The following TMEM178A variants were observed in gnomAD, a reference collection of about 807,000 sequenced individuals.
TMEM178A encodes the protein transmembrane protein 178A.
TMEM178A carries 12 observed loss-of-function variants against 29.1 expected under a neutral mutation model. The ratio of observed to expected loss-of-function variants is 0.41; its 90% CI spans 0.26 to 0.67. The LOEUF (loss-of-function observed/expected upper bound fraction) is 0.67. TMEM178A is among the 30% of genes least tolerant of loss of function. TMEM178A has a pLI of 0.29. For synonymous variants in TMEM178A, 210 were observed against 187.2 expected, an observed-to-expected ratio of 1.12 and a Z score of -0.99; for missense variants, 366 against 419.1, an observed-to-expected ratio of 0.87 and a Z score of 1.11.
chr2:39,693,874 C>T (rs375024975), intron 1 of TMEM178A, among the ~76,000 whole-genome samples: 3 of 151,594 alleles, frequency 2.0e-5, no homozygotes, highest in Admixed American at 1.3e-4. Flanking sequence ...ATTCAGCAAG[C>T]CAGTGGTCAG....
chr2:39,690,768 T>A lies in TMEM178A; in HGVS notation c.401-13313T>A, dbSNP rs1057111100. On this transcript the variant is annotated intron_variant, in intron 1 of 3. Coordinates refer to ENST00000281961, the MANE Select transcript of TMEM178A (RefSeq NM_152390.3). ...AAGAGGTGAATATCTATGAACTGCC[T>A]GATAGAGAATTCAAAATAGTTGTCT... Among the ~76,000 whole-genome samples, 33 of 152,190 alleles carry A rather than the reference T, an allele frequency of 2.2e-4. 1 individual carries two copies. The highest frequency in any genetic ancestry group is 7.2e-4 in the African/African-American group (30 of 41,438).
intron 3 of TMEM178A, among the ~76,000 whole-genome samples, chr2:39,708,134 G>C (rs1035799650): frequency 1.3e-5 from 2 of 152,210 alleles, no homozygotes; most frequent in Non-Finnish European, 2.9e-5. Context: ...CAGGGACTCA[G>C]GGAAGATCTT....
chr2:39,696,537 C>T (rs559043367), intron 1 of TMEM178A, among the ~76,000 whole-genome samples: 4 of 152,242 alleles, frequency 2.6e-5, no homozygotes, highest in African/African-American at 4.8e-5. Flanking sequence ...CTTTTACAGA[C>T]GAGGGAACCA....
At chr2:39,679,948 G>A (rs916816080) in intron 1 of TMEM178A, among the ~76,000 whole-genome samples, 4 of 152,074 alleles carry the variant, frequency 2.6e-5, no homozygotes, top group African/African-American at 4.8e-5. Flanking sequence ...GGAGAATCAC[G>A]TGGGGTGTGA....
Position 39,666,055 on chromosome 2 carries a change from C to A in TMEM178A, c.81C>A (p.Phe27Leu), listed in dbSNP as rs1329838620. The change falls in exon 1 of 4, where the codon TTC (phenylalanine) becomes TTA (leucine). Residue 27 changes from phenylalanine (F) to leucine (L), a missense_variant. Phe to Leu is a conservative substitution (Grantham distance 22). Around this residue, in one of 2 missense-constraint regions of TMEM178A, gnomAD observed 247 missense variants for 246.8 expected, o/e 1.00. Transcript: ENST00000281961. Reference sequence around the variant, plus strand: ...TGGGGCTGCTCGTCACGGCCATCTTCACCGACCACTGGTACGAGACCGACC... The same window carrying A: ...TGGGGCTGCTCGTCACGGCCATCTTAACCGACCACTGGTACGAGACCGACC... ...CSLGLLVTAI[F>L]TDHWYETDPR... 1 of 1,564,766 alleles carries A rather than the reference C, an allele frequency of 6.4e-7. No homozygotes were observed. Among genetic ancestry groups the A allele is most frequent in the East Asian group, 2.6e-5 (1 of 38,448 alleles).
intron 1 of TMEM178A, among the ~76,000 whole-genome samples, chr2:39,700,757 GTTT>G (rs765163598): frequency 1.7e-4 from 25 of 149,986 alleles, no homozygotes; most frequent in Non-Finnish European, 2.7e-4. Flanking sequence ...CTTCATTAAT[GTTT>G]TCTTTTGTGT....
chr2:39,702,101 G>A (rs992436508), intron 1 of TMEM178A, among the ~76,000 whole-genome samples: 13 of 151,174 alleles, frequency 8.6e-5, no homozygotes, highest in South Asian at 8.3e-4. Flanking sequence ...TGAATGTCTC[G>A]TACTTTTTTG....
intron 1 of TMEM178A, among the ~76,000 whole-genome samples, chr2:39,677,953 G>T (rs1186403291): frequency 1.3e-5 from 2 of 151,714 alleles, no homozygotes; most frequent in Non-Finnish European, 1.5e-5. Flanking sequence ...CAACTTGTAG[G>T]TTCGACAAGA....
chr2:39,673,729 C>T (rs903826124), intron 1 of TMEM178A, among the ~76,000 whole-genome samples: 4 of 152,196 alleles, frequency 2.6e-5, no homozygotes, highest in South Asian at 2.1e-4. Flanking sequence ...AGGTCTGTTA[C>T]AGCAGAACTA....
chr2:39,696,439 C>G (rs1001071147), intron 1 of TMEM178A, among the ~76,000 whole-genome samples: 4 of 152,184 alleles, frequency 2.6e-5, no homozygotes, highest in Admixed American at 1.3e-4. Flanking sequence ...GGAGTACTTA[C>G]AGTGGGCCAC....
At chr2:39,709,391 C>T (rs1310537212) in intron 3 of TMEM178A, among the ~76,000 whole-genome samples, 1 of 152,192 alleles carries the variant, frequency 6.6e-6, no homozygotes. Flanking sequence ...AGCAGAAAAC[C>T]AATTTAGGTT....
intron 1 of TMEM178A, chr2:39,697,821 A>G (rs1315402608): frequency 2.6e-5 from 4 of 152,292 alleles, no homozygotes; most frequent in African/African-American, 9.6e-5. Flanking sequence ...CATTACAAGC[A>G]CGGAACAGAG....
chr2:39,730,734 T>C, the TMEM178A span, among the ~76,000 whole-genome samples: 1 of 152,236 alleles, frequency 6.6e-6, no homozygotes, highest in Non-Finnish European at 1.5e-5. Flanking sequence ...GGTTTCCATC[T>C]GGAACAAGAG....
intron 1 of TMEM178A, among the ~76,000 whole-genome samples, chr2:39,674,654 A>T (rs1670540183): frequency 6.6e-6 from 1 of 152,152 alleles, no homozygotes; most frequent in East Asian, 1.9e-4. Flanking sequence ...TACTCCAATA[A>T]CTTATGGAAA....
intron 3 of TMEM178A, among the ~76,000 whole-genome samples, chr2:39,712,607 C>T (rs1270392056): frequency 6.6e-6 from 1 of 152,092 alleles, no homozygotes; most frequent in East Asian, 1.9e-4. Flanking sequence ...GTAATTTATT[C>T]ACTTTTTTGA....
chr2:39,684,820 C>T (rs943594779), intron 1 of TMEM178A, among the ~76,000 whole-genome samples: 1 of 152,130 alleles, frequency 6.6e-6, no homozygotes, highest in African/African-American at 2.4e-5. Context: ...CTATAAACAA[C>T]CCTGTCCCCT....
downstream of TMEM178A, among the ~76,000 whole-genome samples, chr2:39,718,766 C>A (rs920324090): frequency 6.6e-6 from 1 of 151,960 alleles, no homozygotes; most frequent in African/African-American, 2.4e-5. Flanking sequence ...TATCTTTCAG[C>A]GGAGGGTGGG....
the TMEM178A span, among the ~76,000 whole-genome samples, chr2:39,724,910 G>T: frequency 2.0e-5 from 3 of 152,202 alleles, no homozygotes; most frequent in Admixed American, 6.5e-5. Context: ...CTGTGGTGAC[G>T]ATGGTAAATC....
At position 39,717,296 on chromosome 2, in the gene TMEM178A, G is replaced by C; in HGVS notation, c.*45G>C. 6.3e-7 allele frequency: 1 copy of C among 1,591,580 alleles called. No individual in the cohort carries two copies. The highest frequency in any genetic ancestry group is 8.6e-7 in the Non-Finnish European group (1 of 1,167,966). ...CCACAGTGCGAGCGACTCCTGAGGG[G>C]AACAGCGCGGAGTTCAGGAGTCCAA... On this transcript the variant is annotated 3_prime_UTR_variant, in exon 4 of 4. Coordinates refer to ENST00000281961, the MANE Select transcript of TMEM178A (RefSeq NM_152390.3).
Sources: gnomAD v4.1 joint callset for allele counts (sites outside exome capture counted in the v4.1 genomes callset) on GRCh38, gnomAD v4.1.1 for gene constraint, gnomAD v4.1.1 regional missense constraint, MANE v1.5 for transcripts, NCBI Gene and HGNC (gene_info 2026-07-23, HGNC 2026-07-21) for gene names.